Variants in LORICRIN observed in about 807,000 individuals in gnomAD.
LORICRIN encodes the protein loricrin cornified envelope precursor protein.
A neutral mutation model predicts 3.3 loss-of-function variants in LORICRIN; 5 were observed. That is an observed-to-expected ratio of 1.52 (90% confidence interval 0.79 to 3.19). The LOEUF is 3.19. Ranked by LOEUF, LORICRIN falls within the 30% of genes most tolerant of loss-of-function variation. The probability of loss-of-function intolerance (pLI) is 0.00; values close to 1 mark genes in which losing one functional copy is unlikely to be tolerated. For synonymous variants in LORICRIN, 237 were observed against 231.4 expected (o/e 1.02, Z -0.22); for missense variants, 524 against 460.2 (o/e 1.14, Z -1.27).
chr1:153,261,388 G>T lies in LORICRIN; in HGVS notation c.439G>T (p.Gly147Cys), dbSNP rs542085907. 212 of 1,489,716 alleles carry T rather than the reference G, an allele frequency of 1.4e-4. No individual in the cohort carries two copies. In the African/African-American group the frequency reaches 2.8e-3, roughly 20 times the overall value. The allele number at this position is 1,489,716 out of a possible 1,614,324, so 92.3% of individuals were successfully genotyped here. A position where few individuals can be genotyped will look rare whatever the true frequency, so the allele number is the denominator to read the frequency against. ...SGGGSGCFSS[G>C]GGGFSGQAVQ... Reference sequence around the variant, plus strand: ...GGGCGGCTCCGGCTGCTTCTCCTCCGGCGGCGGCGGCTTCTCGGGCCAGGC... The same window carrying T: ...GGGCGGCTCCGGCTGCTTCTCCTCCTGCGGCGGCGGCTTCTCGGGCCAGGC... The change falls in exon 2 of 2, where the codon GGC becomes TGC. Residue 147 changes from glycine to cysteine, a missense_variant. Coordinates refer to ENST00000368742, the MANE Select transcript of LORICRIN (RefSeq NM_000427.3).
rs1479782863 is a variant in LORICRIN, at chr1:153,261,469, T to C, written c.520T>C (p.Ser174Pro). Residue 174 changes from serine to proline, a missense_variant, in exon 2 of 2, where the codon TCC becomes CCC. Ser to Pro is a moderately conservative substitution (Grantham distance 74, BLOSUM62 -1). Coordinates refer to ENST00000368742, the MANE Select transcript of LORICRIN (RefSeq NM_000427.3). ...VSSGGSSGGG[S>P]GCFSSGGGGG... ...TAGCGGCGGCTCCTCCGGGGGCGGC[T>C]CCGGCTGCTTCTCCAGCGGCGGGGG... The C allele has an allele frequency of 4.1e-6, 6 of 1,477,518 alleles. No individual in the cohort carries two copies. The Admixed American group carries it at 6.5e-5, about 16-fold the overall frequency. 91.5% of individuals were successfully genotyped at this position (1,477,518 alleles called of 1,614,324 possible).
Position 153,261,348 on chromosome 1 carries a change from G to A in LORICRIN, c.399G>A (p.Gly133=), listed in dbSNP as rs1334713355. ...GCTCCGGCTGCTTCTCCAGCGGTGG[G>A]GGCGGCTCCTCCGGGGGCGGCTCCG... is the stretch of plus-strand genomic sequence containing the variant. The part of the protein sequence containing the change: ...GGGSGCFSSG[G]GGSSGGGSGC... The change falls in exon 2 of 2, where the codon GGG becomes GGA. Residue 133 remains glycine (G), a synonymous_variant. Coordinates refer to ENST00000368742, the MANE Select transcript of LORICRIN (RefSeq NM_000427.3). The A allele has an allele frequency of 6.9e-7, 1 of 1,458,882 alleles. No individual in the cohort carries two copies. Among genetic ancestry groups the A allele is most frequent in the Non-Finnish European group, 9.0e-7 (1 of 1,113,626 alleles). 90.4% of individuals were successfully genotyped at this position (1,458,882 alleles called of 1,614,324 possible). A position where few individuals can be genotyped will look rare whatever the true frequency, so the allele number is the denominator to read the frequency against.
At position 153,261,646 on chromosome 1, in the gene LORICRIN, G is replaced by GGCGGCAGCGGCGGAA; in HGVS notation, c.703_717dup (p.Ser235_Gly239dup). 6.6e-7 allele frequency: 1 copy of GGCGGCAGCGGCGGAA among 1,509,402 alleles called. No individual in the cohort carries two copies. Among genetic ancestry groups the GGCGGCAGCGGCGGAA allele is most frequent in the South Asian group, 1.2e-5 (1 of 81,592 alleles). The allele number at this position is 1,509,402 out of a possible 1,614,324, so 93.5% of individuals were successfully genotyped here. ...TTACGGAGGGGGGTCGTCCGGCGGC[G>GGCGGCAGCGGCGGAA]GCGGCAGCGGCGGAAGCGGCTGCTT... On this transcript the variant is annotated inframe_insertion, in exon 2 of 2. Coordinates refer to ENST00000368742, the MANE Select transcript of LORICRIN (RefSeq NM_000427.3).
rs757090306 is a variant in LORICRIN, at chr1:153,261,024, TGGCGGC to T, written c.79_84del (p.Gly27_Gly28del). The stretch of plus-strand genomic sequence containing the variant: ...TGAAGACCTCTGGCGGCGGTGGCGG[TGGCGGC>T]GGCAGCGGCGGTGGTGGCTGCGGCT... On this transcript the variant is annotated inframe_deletion, in exon 2 of 2. Coordinates refer to ENST00000368742, the MANE Select transcript of LORICRIN (RefSeq NM_000427.3). 4.5e-6 allele frequency: 7 copies of T among 1,558,396 alleles called. No homozygotes were observed. In the African/African-American group the frequency reaches 8.6e-5, roughly 19 times the overall value.
Position 153,261,411 on chromosome 1 carries a change from G to A in LORICRIN, c.462G>A (p.Gln154=). 2 of 1,465,810 alleles carry A rather than the reference G, an allele frequency of 1.4e-6. No individual in the cohort carries two copies. Among genetic ancestry groups the A allele is most frequent in the Non-Finnish European group, 1.8e-6 (2 of 1,116,164 alleles). 90.8% of individuals were successfully genotyped at this position (1,465,810 alleles called of 1,614,324 possible). A position where few individuals can be genotyped will look rare whatever the true frequency, so the allele number is the denominator to read the frequency against. The part of the protein sequence containing the change: ...FSSGGGGFSG[Q]AVQCQSYGGV... Reference sequence around the variant, plus strand: ...CCGGCGGCGGCGGCTTCTCGGGCCAGGCGGTCCAGTGCCAGAGCTACGGAG... The same window carrying A: ...CCGGCGGCGGCGGCTTCTCGGGCCAAGCGGTCCAGTGCCAGAGCTACGGAG... The change falls in exon 2 of 2, where the codon CAG becomes CAA. Residue 154 remains glutamine (Q), a synonymous_variant. Transcript: ENST00000368742.
Position 153,261,582 on chromosome 1 carries a change from G to A in LORICRIN, c.633G>A (p.Ser211=), listed in dbSNP as rs575388689. ...SGGSGSGYVS[S]QQVTQTSCAP... ...GCAGCGGCTCCGGCTACGTCTCCTCGCAGCAGGTCACTCAGACCTCGTGCG... is the reference window on the plus strand; with the variant it reads ...GCAGCGGCTCCGGCTACGTCTCCTCACAGCAGGTCACTCAGACCTCGTGCG... Residue 211 remains serine, a synonymous_variant, in exon 2 of 2, where the codon TCG becomes TCA. Coordinates refer to ENST00000368742, the MANE Select transcript of LORICRIN (RefSeq NM_000427.3). 2 of 1,509,934 alleles carry A rather than the reference G, an allele frequency of 1.3e-6. No individual in the cohort carries two copies. Among genetic ancestry groups the A allele is most frequent in the South Asian group, 2.4e-5 (2 of 82,366 alleles). The allele number at this position is 1,509,934 out of a possible 1,614,324, so 93.5% of individuals were successfully genotyped here. A position where few individuals can be genotyped will look rare whatever the true frequency, so the allele number is the denominator to read the frequency against.
chr1:153,261,590 T>A lies in LORICRIN; in HGVS notation c.641T>A (p.Val214Asp), dbSNP rs1474028851. 9 of 1,507,350 alleles carry A rather than the reference T, an allele frequency of 6.0e-6. No homozygotes were observed. Among genetic ancestry groups the A allele is most frequent in the Non-Finnish European group, 7.9e-6 (9 of 1,137,070 alleles). 93.4% of individuals were successfully genotyped at this position (1,507,350 alleles called of 1,614,324 possible). Residue 214 changes from valine to aspartate, a missense_variant, in exon 2 of 2, where the codon GTC becomes GAC. Val to Asp is a radical substitution (Grantham distance 152). Transcript: ENST00000368742. ...SGSGYVSSQQ[V>D]TQTSCAPQPS... The stretch of plus-strand genomic sequence containing the variant: ...TCCGGCTACGTCTCCTCGCAGCAGG[T>A]CACTCAGACCTCGTGCGCGCCCCAG...
rs1553191399 is a variant in LORICRIN at position 153,261,771 on chromosome 1, T to TGGTTCCTCTGGAGGC, written c.825_839dup (p.Ser276_Gly280dup). ...GTGGCGGGGGCTCCGTCTGCGGAGG[T>TGGTTCCTCTGGAGGC]GGTTCCTCTGGAGGCGGCGGCGGCG... On this transcript the variant is annotated inframe_insertion, in exon 2 of 2. Transcript: ENST00000368742. 6.4e-7 allele frequency: 1 copy of TGGTTCCTCTGGAGGC among 1,573,478 alleles called. No individual in the cohort carries two copies. The highest frequency in any genetic ancestry group is 1.4e-5 in the African/African-American group (1 of 69,772).
In LORICRIN at chr1:153,261,430, T is replaced by C. The variant is rs1377766797; in HGVS notation, c.481T>C (p.Tyr161His). ...FSGQAVQCQS[Y>H]GGVSSGGSSG... ...GGGCCAGGCGGTCCAGTGCCAGAGC[T>C]ACGGAGGCGTCTCTAGCGGCGGCTC... is the stretch of plus-strand genomic sequence containing the variant. The change falls in exon 2 of 2, where the codon TAC becomes CAC. Residue 161 changes from tyrosine (Y) to histidine (H), a missense_variant. Coordinates refer to ENST00000368742, the MANE Select transcript of LORICRIN (RefSeq NM_000427.3). 2.7e-6 allele frequency: 4 copies of C among 1,478,044 alleles called. No homozygotes were observed. The East Asian group carries it at 1.1e-4, about 41-fold the overall frequency. The allele number at this position is 1,478,044 out of a possible 1,614,324, so 91.6% of individuals were successfully genotyped here. A position where few individuals can be genotyped will look rare whatever the true frequency, so the allele number is the denominator to read the frequency against.
intron 1 of LORICRIN, among the ~76,000 whole-genome samples, chr1:153,260,650 G>A (rs1658744499): frequency 6.6e-6 from 1 of 152,182 alleles, no homozygotes; most frequent in South Asian, 2.1e-4. Context: ...CGGGCGTGTG[G>A]GTGATCTGCC....
chr1:153,260,112 AGGGAG>A (rs1658728643), intron 1 of LORICRIN, among the ~76,000 whole-genome samples: 1 of 152,204 alleles, frequency 6.6e-6, no homozygotes, highest in Non-Finnish European at 1.5e-5. Context: ...TCAAGAGAGT[AGGGAG>A]AATGATCCAA....
Position 153,261,497 on chromosome 1 carries a change from G to C in LORICRIN, c.548G>C (p.Gly183Ala). 1 of 1,503,968 alleles carries C rather than the reference G, an allele frequency of 6.6e-7. No homozygotes were observed. Among genetic ancestry groups the C allele is most frequent in the Admixed American group, 2.0e-5 (1 of 48,924 alleles). The allele number at this position is 1,503,968 out of a possible 1,614,324, so 93.2% of individuals were successfully genotyped here. A position where few individuals can be genotyped will look rare whatever the true frequency, so the allele number is the denominator to read the frequency against. The change falls in exon 2 of 2, where the codon GGC becomes GCC. Residue 183 changes from glycine (G) to alanine (A), a missense_variant. Physicochemically the swap from Gly to Ala is moderately conservative, Grantham distance 60. Coordinates refer to ENST00000368742, the MANE Select transcript of LORICRIN (RefSeq NM_000427.3). ...GSGCFSSGGG[G>A]GSVCGYSGGG... ...GGCTGCTTCTCCAGCGGCGGGGGCG[G>C]CGGCTCTGTCTGCGGCTACTCTGGC...
rs1571080521 is a variant in LORICRIN at position 153,261,301 on chromosome 1, G to A, written c.352G>A (p.Gly118Ser). The stretch of plus-strand genomic sequence containing the variant: ...CGGCTCCGGCTGCTTCTCCTCCGGT[G>A]GCGGCGGCTCCTCCGGGGGCGGCTC... ...GGGSGCFSSG[G>S]GGSSGGGSGC... The change falls in exon 2 of 2, where the codon GGC becomes AGC. Residue 118 changes from glycine (G) to serine (S), a missense_variant. Physicochemically the swap from Gly to Ser is moderately conservative, Grantham distance 56. Coordinates refer to ENST00000368742, the MANE Select transcript of LORICRIN (RefSeq NM_000427.3). The A allele has an allele frequency of 8.2e-6, 12 of 1,454,880 alleles. No homozygotes were observed. In the East Asian group the frequency reaches 3.1e-4, roughly 38 times the overall value. The allele number at this position is 1,454,880 out of a possible 1,614,324, so 90.1% of individuals were successfully genotyped here. A position where few individuals can be genotyped will look rare whatever the true frequency, so the allele number is the denominator to read the frequency against.
rs1195316836 is a variant in LORICRIN, at chr1:153,261,202, G to C, written c.253G>C (p.Gly85Arg). Residue 85 changes from glycine (G) to arginine (R), a missense_variant, in exon 2 of 2, where the codon GGT (glycine) becomes CGT (arginine). Transcript: ENST00000368742. Reference sequence around the variant, plus strand: ...CATTGGAGGCTGCGGAGGGGGCTCCGGTGGGAGCGTCAAGTACTCCGGAGG... The same window carrying C: ...CATTGGAGGCTGCGGAGGGGGCTCCCGTGGGAGCGTCAAGTACTCCGGAGG... ...GGIGGCGGGS[G>R]GSVKYSGGGG... is the part of the protein sequence containing the mutation. The C allele has an allele frequency of 2.4e-5, 32 of 1,344,934 alleles. No individual in the cohort carries two copies. The East Asian group carries it at 7.1e-4, about 30-fold the overall frequency. 83.3% of individuals were successfully genotyped at this position (1,344,934 alleles called of 1,614,324 possible). A position where few individuals can be genotyped will look rare whatever the true frequency, so the allele number is the denominator to read the frequency against.
rs1212553782 is a variant in LORICRIN at position 153,261,775 on chromosome 1, T to C, written c.826T>C (p.Ser276Pro). The change falls in exon 2 of 2, where the codon TCC becomes CCC. Residue 276 changes from serine (S) to proline (P), a missense_variant. By Grantham distance (74) the Ser-to-Pro change is moderately conservative (BLOSUM62 -1). Transcript: ENST00000368742. ...SGGGSVCGGGSSGGGGGGSSV... is the reference protein window; with the variant it reads ...SGGGSVCGGGPSGGGGGGSSV... ...CGGGGGCTCCGTCTGCGGAGGTGGT[T>C]CCTCTGGAGGCGGCGGCGGCGGCTC... The C allele has an allele frequency of 6.3e-7, 1 of 1,597,622 alleles. No individual in the cohort carries two copies. The highest frequency in any genetic ancestry group is 1.7e-5 in the Admixed American group (1 of 58,752).
chr1:153,259,817 C>T (rs1254704396), intron 1 of LORICRIN, 84 bp downstream of exon 1: 1 of 152,314 alleles, frequency 6.6e-6, no homozygotes, highest in Non-Finnish European at 1.5e-5. Flanking sequence ...GGGCCTCTTT[C>T]CCCTTTGGGA....
In LORICRIN at chr1:153,261,609, G is replaced by T. The variant is rs1346928350; in HGVS notation, c.660G>T (p.Ala220=). ...SSQQVTQTSC[A]PQPSYGGGSS... The stretch of plus-strand genomic sequence containing the variant: ...AGCAGGTCACTCAGACCTCGTGCGC[G>T]CCCCAGCCGAGTTACGGAGGGGGGT... Residue 220 remains alanine, a synonymous_variant, in exon 2 of 2, where the codon GCG becomes GCT. Transcript: ENST00000368742. 6.6e-7 allele frequency: 1 copy of T among 1,511,994 alleles called. No individual in the cohort carries two copies. The highest frequency in any genetic ancestry group is 1.2e-5 in the South Asian group (1 of 82,312). 93.7% of individuals were successfully genotyped at this position (1,511,994 alleles called of 1,614,324 possible).
rs1231431834 is a variant in LORICRIN, at chr1:153,261,461, G to C, written c.512G>C (p.Gly171Ala). 2 of 1,507,118 alleles carry C rather than the reference G, an allele frequency of 1.3e-6. No homozygotes were observed. Among genetic ancestry groups the C allele is most frequent in the Admixed American group, 4.1e-5 (2 of 48,712 alleles). The allele number at this position is 1,507,118 out of a possible 1,614,324, so 93.4% of individuals were successfully genotyped here. A position where few individuals can be genotyped will look rare whatever the true frequency, so the allele number is the denominator to read the frequency against. ...YGGVSSGGSS[G>A]GGSGCFSSGG... ...GGCGTCTCTAGCGGCGGCTCCTCCG[G>C]GGGCGGCTCCGGCTGCTTCTCCAGC... The change falls in exon 2 of 2, where the codon GGG becomes GCG. Residue 171 changes from glycine (G) to alanine (A), a missense_variant. By Grantham distance (60) the Gly-to-Ala change is moderately conservative. Transcript: ENST00000368742.
At position 153,261,304 on chromosome 1, in the gene LORICRIN, G is replaced by A; in HGVS notation, c.355G>A (p.Gly119Ser). The A allele has an allele frequency of 6.9e-7, 1 of 1,454,178 alleles. No homozygotes were observed. The highest frequency in any genetic ancestry group is 2.9e-5 in the East Asian group (1 of 34,772). The allele number at this position is 1,454,178 out of a possible 1,614,324, so 90.1% of individuals were successfully genotyped here. The change falls in exon 2 of 2, where the codon GGC becomes AGC. Residue 119 changes from glycine to serine, a missense_variant. Transcript: ENST00000368742. ...GGSGCFSSGG[G>S]GSSGGGSGCF... ...CTCCGGCTGCTTCTCCTCCGGTGGC[G>A]GCGGCTCCTCCGGGGGCGGCTCCGG...
Sources: allele counts gnomAD v4.1 joint callset (sites outside exome capture counted in the v4.1 genomes callset), GRCh38; gene constraint gnomAD v4.1.1; transcripts MANE v1.5; gene names NCBI Gene and HGNC (gene_info 2026-07-23, HGNC 2026-07-21).